LAMA2: variants seen among roughly 807,000 people sequenced by gnomAD.
LAMA2 encodes laminin subunit alpha 2, also known as laminin subunit alpha-2.
A neutral mutation model predicts 364.8 loss-of-function variants in LAMA2; 269 were observed. That is an observed-to-expected ratio of 0.74 (90% CI 0.67 to 0.82). The LOEUF (loss-of-function observed/expected upper bound fraction) is 0.82. Among genes scored for constraint, LAMA2 ranks in the 40% least tolerant of loss-of-function variants. The probability of loss-of-function intolerance (pLI) is 0.00; values close to 1 mark genes in which losing one functional copy is unlikely to be tolerated. For missense variants in LAMA2, 3,807 were observed against 3,873.2 expected, an observed-to-expected ratio of 0.98 and a Z score of 0.45; for synonymous variants, 1,379 against 1,370.6, an observed-to-expected ratio of 1.01 and a Z score of -0.14.
In LAMA2 at chr6:129,316,034, A is replaced by G; in HGVS notation, c.3925-4A>G. 1 of 1,614,132 alleles carries G rather than the reference A, an allele frequency of 6.2e-7. No individual in the cohort carries two copies. The highest frequency in any genetic ancestry group is 1.1e-5 in the South Asian group (1 of 91,080). On this transcript the variant is annotated splice_region_variant and splice_polypyrimidine_tract_variant and intron_variant, in intron 26 of 64. Transcript: ENST00000421865. ...GTCATAGTGATTTCTCTTCTTGTTA[A>G]CAGAAAGAATGGAAATATTATGGGG...
At chr6:129,159,555 A>T (rs954530017) in intron 8 of LAMA2, among the ~76,000 whole-genome samples, 1 of 152,212 alleles carries the variant, frequency 6.6e-6, no homozygotes, top group Non-Finnish European at 1.5e-5. Flanking sequence ...TTTAAACTAC[A>T]TGCTTTAGAA....
chr6:129,281,172 A>G (rs1463198946), intron 18 of LAMA2, among the ~76,000 whole-genome samples: 8 of 152,156 alleles, frequency 5.3e-5, no homozygotes, highest in African/African-American at 1.9e-4. Context: ...TGAAACAAGC[A>G]GCATTTATTT....
intron 14 of LAMA2, among the ~76,000 whole-genome samples, chr6:129,255,003 G>T (rs1171286210): frequency 6.6e-6 from 1 of 151,644 alleles, no homozygotes; most frequent in Admixed American, 6.6e-5. Flanking sequence ...CACATGACTT[G>T]GTTTAGCCAA....
At chr6:129,132,257 C>T (rs1777531716) in intron 4 of LAMA2, among the ~76,000 whole-genome samples, 1 of 151,700 alleles carries the variant, frequency 6.6e-6, no homozygotes, top group Non-Finnish European at 1.5e-5. Flanking sequence ...AGCTCCACCT[C>T]CCGGGTTCAT....
intron 14 of LAMA2, among the ~76,000 whole-genome samples, chr6:129,258,463 A>G (rs1236520207): frequency 6.6e-6 from 1 of 152,060 alleles, no homozygotes; most frequent in Non-Finnish European, 1.5e-5. Flanking sequence ...TAGAATAGGT[A>G]ACTTCATAGC....
chr6:129,492,743 A>G (rs1784938756), intron 58 of LAMA2, among the ~76,000 whole-genome samples: 1 of 152,256 alleles, frequency 6.6e-6, no homozygotes, highest in South Asian at 2.1e-4. Context: ...AAAGACACTT[A>G]TAATACCATG....
At chr6:129,005,162 C>A (rs1446200398) in intron 1 of LAMA2, among the ~76,000 whole-genome samples, 4 of 151,722 alleles carry the variant, frequency 2.6e-5, no homozygotes, top group Non-Finnish European at 2.9e-5. Context: ...GGTTTCTTTC[C>A]CAAAGCTTAT....
chr6:129,322,656 C>T (rs978183791), intron 28 of LAMA2, among the ~76,000 whole-genome samples: 25 of 152,062 alleles, frequency 1.6e-4, no homozygotes, highest in African/African-American at 4.3e-4. Flanking sequence ...TCAAGGTTGA[C>T]CTTTAGATAT....
At chr6:129,492,999 C>T (rs540099587) in intron 58 of LAMA2, among the ~76,000 whole-genome samples, 2 of 151,954 alleles carry the variant, frequency 1.3e-5, no homozygotes, top group African/African-American at 2.4e-5. Flanking sequence ...TTCTAAAATA[C>T]AAAAAAATAG....
intron 1 of LAMA2, among the ~76,000 whole-genome samples, chr6:128,947,817 A>G (rs1251915734): frequency 6.6e-6 from 1 of 152,100 alleles, no homozygotes; most frequent in Non-Finnish European, 1.5e-5. Context: ...CAGTGTTATA[A>G]AGGGAGAGGC....
intron 1 of LAMA2, among the ~76,000 whole-genome samples, chr6:128,936,013 A>T (rs977847138): frequency 1.3e-5 from 2 of 151,938 alleles, no homozygotes; most frequent in African/African-American, 4.8e-5. Flanking sequence ...GTGAGTTCTC[A>T]TGAGCTCTGA....
At chr6:129,469,636 G>A (rs530555499) in intron 51 of LAMA2, among the ~76,000 whole-genome samples, 1 of 151,846 alleles carries the variant, frequency 6.6e-6, no homozygotes, top group East Asian at 1.9e-4. Flanking sequence ...AGAAAGACTT[G>A]TACCAAAATG....
At chr6:129,334,430 C>T (rs1455828135) in intron 29 of LAMA2, among the ~76,000 whole-genome samples, 3 of 152,108 alleles carry the variant, frequency 2.0e-5, no homozygotes, top group Non-Finnish European at 4.4e-5. Context: ...AGGCTTAGAA[C>T]ATTACTTAGT....
At chr6:129,511,624 T>A (rs1214207026) in intron 62 of LAMA2, among the ~76,000 whole-genome samples, 3 of 152,238 alleles carry the variant, frequency 2.0e-5, no homozygotes, top group Non-Finnish European at 4.4e-5. Flanking sequence ...TTCCCCTGAG[T>A]ATTTCTCTGA....
In LAMA2 at chr6:129,119,372, C is replaced by T. The variant is rs189220897; in HGVS notation, c.639+20957C>T. 3.0e-4 allele frequency among the ~76,000 whole-genome samples: 46 copies of T among 152,102 alleles called. No homozygotes were observed. The South Asian group carries it at 3.3e-3, about 11-fold the overall frequency. On this transcript the variant is annotated intron_variant, in intron 4 of 64. Coordinates refer to ENST00000421865, the MANE Select transcript of LAMA2 (RefSeq NM_000426.4). ...AAATTATTTATCATATCTCCACTGA[C>T]GGTCCTTCAGGTTATTTCTAACTTT...
chr6:129,137,451 G>T (rs1777864272), intron 4 of LAMA2, among the ~76,000 whole-genome samples: 1 of 151,700 alleles, frequency 6.6e-6, no homozygotes, highest in African/African-American at 2.4e-5. Flanking sequence ...AAATATAAAT[G>T]GCTCTACTAG....
intron 41 of LAMA2, among the ~76,000 whole-genome samples, 154 bp downstream of exon 41, chr6:129,428,008 T>A (rs536671317): frequency 4.6e-5 from 7 of 152,268 alleles, no homozygotes; most frequent in Non-Finnish European, 1.0e-4. Flanking sequence ...TCACTAGTTT[T>A]ACAAAATGTT....
At chr6:129,397,741 C>T (rs773713673) in intron 37 of LAMA2, among the ~76,000 whole-genome samples, 11 of 151,008 alleles carry the variant, frequency 7.3e-5, no homozygotes, top group Non-Finnish European at 1.0e-4. Context: ...TGGTGAAACC[C>T]CATCTCTACT....
At chr6:129,106,413 G>A (rs2114890098) in intron 4 of LAMA2, among the ~76,000 whole-genome samples, 1 of 152,246 alleles carries the variant, frequency 6.6e-6, no homozygotes, top group Admixed American at 6.5e-5. Context: ...ATGGAAATGA[G>A]GGAATGGAAA....
Sources: allele counts gnomAD v4.1 joint callset (sites outside exome capture counted in the v4.1 genomes callset), GRCh38; gene constraint gnomAD v4.1.1; transcripts MANE v1.5; gene names NCBI Gene and HGNC (gene_info 2026-07-23, HGNC 2026-07-21).